CACNB1: variants seen among roughly 807,000 people sequenced by gnomAD.
The protein encoded by CACNB1 is calcium voltage-gated channel auxiliary subunit beta 1.
In CACNB1, 29 loss-of-function variants were observed where a neutral mutation model predicts 71.6. That is an observed-to-expected ratio of 0.40 (90% CI 0.30 to 0.55). The LOEUF (loss-of-function observed/expected upper bound fraction) is 0.55. Ranked by LOEUF, CACNB1 falls within the 20% of genes least tolerant of loss-of-function variation. The probability of loss-of-function intolerance (pLI) is 0.38; values close to 1 mark genes in which losing one functional copy is unlikely to be tolerated. For synonymous variants in CACNB1, 300 were observed against 319.6 expected (o/e 0.94, Z 0.65); for missense variants, 623 against 801.8 (o/e 0.78, Z 2.69).
At chr17:39,178,317 A>G in intron 11 of CACNB1, 2 of 380,934 alleles carry the variant, frequency 5.3e-6, no homozygotes, top group Non-Finnish European at 9.5e-6. Context: ...GGCTATATGA[A>G]GGGCAGTGAT....
At position 39,197,578 on chromosome 17, in the gene CACNB1, A is replaced by G; in HGVS notation, c.-83T>C. On this transcript the variant is annotated 5_prime_UTR_variant, in exon 1 of 14. Coordinates refer to ENST00000394303, the MANE Select transcript of CACNB1 (RefSeq NM_000723.5). The stretch of plus-strand genomic sequence containing the variant: ...GGGAGAGGCCGTGGGAGCCGAAAGC[A>G]GCGCGGCGCAGCCAGCACCCGGTCC... 1 of 1,065,466 alleles carries G rather than the reference A, an allele frequency of 9.4e-7. No individual in the cohort carries two copies. The highest frequency in any genetic ancestry group is 1.6e-5 in the South Asian group (1 of 62,144). The allele number at this position is 1,065,466 out of a possible 1,614,324, so 66.0% of individuals were successfully genotyped here.
Position 39,183,840 on chromosome 17 carries a change from C to T in CACNB1, c.923G>A (p.Arg308Gln), listed in dbSNP as rs374197578. The change falls in exon 11 of 14, where the codon CGA becomes CAA. Residue 308 changes from arginine to glutamine, a missense_variant. Arg to Gln is a conservative substitution (Grantham distance 43). Coordinates refer to ENST00000394303, the MANE Select transcript of CACNB1 (RefSeq NM_000723.5). ...AAGGGTCCGGGCCAGCTCGAAGATTCGCTCGATTTCACTCTGCACCTCAGC... is the reference window on the plus strand; with the variant it reads ...AAGGGTCCGGGCCAGCTCGAAGATTTGCTCGATTTCACTCTGCACCTCAGC... Reference protein sequence around the residue: ...SLAEVQSEIERIFELARTLQL... With the variant: ...SLAEVQSEIEQIFELARTLQL... 10 of 1,613,754 alleles carry T rather than the reference C, an allele frequency of 6.2e-6. No individual in the cohort carries two copies. Among genetic ancestry groups the T allele is most frequent in the Non-Finnish European group, 7.6e-6 (9 of 1,179,764 alleles).
rs759403493 is a variant in CACNB1 at position 39,186,901 on chromosome 17, C to T, written c.443G>A (p.Arg148Gln). The change falls in exon 5 of 14, where the codon CGG (arginine) becomes CAG (glutamine). Residue 148 changes from arginine to glutamine, a missense_variant. Coordinates refer to ENST00000394303, the MANE Select transcript of CACNB1 (RefSeq NM_000723.5). The surrounding 1 kb of genome is among the most constrained non-coding windows in gnomAD (Gnocchi z 4.1). The part of the protein sequence containing the change: ...EKYNNDWWIG[R>Q]LVKEGCEVGF... ...AACCTCACAGCCCTCCTTCACCAGC[C>T]GCCCGATCCACCAGTCATTATTGTA... 21 of 1,613,998 alleles carry T rather than the reference C, an allele frequency of 1.3e-5. No individual in the cohort carries two copies. Among genetic ancestry groups the T allele is most frequent in the East Asian group, 2.2e-5 (1 of 44,900 alleles).
intron 7 of CACNB1, 81 bp downstream of exon 7, chr17:39,185,050 G>T: frequency 1.6e-6 from 2 of 1,284,422 alleles, no homozygotes; most frequent in Non-Finnish European, 2.3e-6. Flanking sequence ...ATGGGGGACA[G>T]ATGTGGGAAT....
At position 39,186,193 on chromosome 17, in the gene CACNB1, G is replaced by T; in HGVS notation, c.628+303C>A. The T allele has an allele frequency of 9.6e-7, 1 of 1,040,094 alleles. No homozygotes were observed. 64.4% of individuals were successfully genotyped at this position (1,040,094 alleles called of 1,614,324 possible). ...CGTGGAGACACAAGTACAGAACGCA[G>T]GGATGGGGATGGGGAAAAAAGAAAG... On this transcript the variant is annotated intron_variant, in intron 6 of 13. Transcript: ENST00000394303. The surrounding 1 kb of genome is among the most constrained non-coding windows in gnomAD (Gnocchi z 4.1).
chr17:39,192,614 A>G (rs932366361), intron 2 of CACNB1: 13 of 152,660 alleles, frequency 8.5e-5, no homozygotes, highest in African/African-American at 2.7e-4. Context: ...TTGTGTGACT[A>G]TGCAGGGGTG....
rs1342584463 is a variant in CACNB1 at position 39,186,386 on chromosome 17, G to C, written c.628+110C>G. ...GGGGAACCACTGCATGTGCTTGGGG[G>C]ACTCAGGATTGGGGTGTTTCCTACT... On this transcript the variant is annotated intron_variant, in intron 6 of 13. Transcript: ENST00000394303. The surrounding 1 kb of genome is among the most constrained non-coding windows in gnomAD (Gnocchi z 4.1). 2 of 768,114 alleles carry C rather than the reference G, an allele frequency of 2.6e-6. No individual in the cohort carries two copies. The highest frequency in any genetic ancestry group is 5.3e-5 in the East Asian group (2 of 37,406). The allele number at this position is 768,114 out of a possible 1,614,324, so 47.6% of individuals were successfully genotyped here. A position where few individuals can be genotyped will look rare whatever the true frequency, so the allele number is the denominator to read the frequency against.
rs2045930191 is a variant in CACNB1, at chr17:39,186,023, C to G, written c.628+473G>C. 6.2e-7 allele frequency: 1 copy of G among 1,613,618 alleles called. No individual in the cohort carries two copies. The highest frequency in any genetic ancestry group is 1.1e-5 in the South Asian group (1 of 91,062). On this transcript the variant is annotated intron_variant, in intron 6 of 13. Transcript: ENST00000394303. The surrounding 1 kb of genome is among the most constrained non-coding windows in gnomAD (Gnocchi z 4.1). ...ACTGCTAACACTAGTCTTGGCAGAG[C>G]CACTCTGCTCACCAAGCTCAGCCTC...
Position 39,174,642 on chromosome 17 carries a change from C to T in CACNB1, c.*551G>A, listed in dbSNP as rs562123106. 18 of 154,076 alleles carry T rather than the reference C, an allele frequency of 1.2e-4. No individual in the cohort carries two copies. Among genetic ancestry groups the T allele is most frequent in the Middle Eastern group, 3.4e-3 (1 of 296 alleles). 9.5% of individuals were successfully genotyped at this position (154,076 alleles called of 1,614,324 possible). ...CCAGAACCCTCCCCAAGACAAGCTC[C>T]CCATGGGGTGTCCATGCTATGGCTT... On this transcript the variant is annotated 3_prime_UTR_variant, in exon 14 of 14. Transcript: ENST00000394303.
intron 11 of CACNB1, among the ~76,000 whole-genome samples, chr17:39,180,904 T>C (rs548641070): frequency 2.0e-4 from 31 of 151,636 alleles, no homozygotes; most frequent in African/African-American, 6.3e-4. Context: ...CTGAACTTAA[T>C]GGTATGGGAA....
chr17:39,176,861 G>A (rs1285162974), intron 13 of CACNB1, among the ~76,000 whole-genome samples: 2 of 152,150 alleles, frequency 1.3e-5, no homozygotes, highest in Non-Finnish European at 2.9e-5. Context: ...CTCTTGAGGG[G>A]CCTTGTGGAG....
chr17:39,197,347 G>A, intron 1 of CACNB1, 65 bp downstream of exon 1: 2 of 1,125,114 alleles, frequency 1.8e-6, no homozygotes, highest in Non-Finnish European at 1.2e-6. Flanking sequence ...CGCGCCTCTC[G>A]AGCCGACCTT....
chr17:39,176,493 A>G (rs2045580904), intron 13 of CACNB1, among the ~76,000 whole-genome samples: 1 of 152,146 alleles, frequency 6.6e-6, no homozygotes, highest in South Asian at 2.1e-4. Flanking sequence ...TGGGAAGGGC[A>G]CAGAAGTGCT....
intron 11 of CACNB1, among the ~76,000 whole-genome samples, chr17:39,179,552 C>G (rs1028575434): frequency 6.1e-5 from 9 of 148,518 alleles, no homozygotes; most frequent in African/African-American, 2.2e-4. Context: ...GCACTCCAAC[C>G]TGAGCGACAG....
Position 39,194,873 on chromosome 17 carries a change from C to T in CACNB1, c.171+11G>A, listed in dbSNP as rs765174503. 4 of 1,595,078 alleles carry T rather than the reference C, an allele frequency of 2.5e-6. No individual in the cohort carries two copies. The African/African-American group carries it at 4.0e-5, about 16-fold the overall frequency. On this transcript the variant is annotated intron_variant, in intron 2 of 13. Coordinates refer to ENST00000394303, the MANE Select transcript of CACNB1 (RefSeq NM_000723.5). The surrounding 1 kb of genome is among the most constrained non-coding windows in gnomAD (Gnocchi z 4.6). The stretch of plus-strand genomic sequence containing the variant: ...GCCACCTCCCTCCTCTCCGCCCAGC[C>T]TCCCCATTACCTGGCGGACAAAGCT...
rs563898523 is a variant in CACNB1 at position 39,197,279 on chromosome 17, G to C, written c.84+133C>G. On this transcript the variant is annotated intron_variant, in intron 1 of 13. Transcript: ENST00000394303. ...CCCATCAATCACAACCTGCAAGGAT[G>C]GGGGGCGCGCAGGCATCCCTCTCTC... is the stretch of plus-strand genomic sequence containing the variant. The C allele has an allele frequency of 5.6e-4, 235 of 421,762 alleles. 2 individuals carry two copies. The East Asian group carries it at 0.011, about 20-fold the overall frequency. 26.1% of individuals were successfully genotyped at this position (421,762 alleles called of 1,614,324 possible). A position where few individuals can be genotyped will look rare whatever the true frequency, so the allele number is the denominator to read the frequency against.
chr17:39,186,681 C>T lies in CACNB1; in HGVS notation c.552-109G>A. The T allele has an allele frequency of 1.3e-6, 2 of 1,530,824 alleles. No homozygotes were observed. The highest frequency in any genetic ancestry group is 1.8e-6 in the Non-Finnish European group (2 of 1,113,474). The allele number at this position is 1,530,824 out of a possible 1,614,324, so 94.8% of individuals were successfully genotyped here. A position where few individuals can be genotyped will look rare whatever the true frequency, so the allele number is the denominator to read the frequency against. The stretch of plus-strand genomic sequence containing the variant: ...AGGTGCTCCAGCCCCACTGGTGATG[C>T]CACAGGCAGCTCTGTGCCCTCAGGG... On this transcript the variant is annotated intron_variant, in intron 5 of 13. Transcript: ENST00000394303. The surrounding 1 kb of genome is among the most constrained non-coding windows in gnomAD (Gnocchi z 4.1).
At position 39,175,377 on chromosome 17, in the gene CACNB1, C is replaced by A; in HGVS notation, c.1613G>T (p.Gly538Val). 2.5e-6 allele frequency: 4 copies of A among 1,614,176 alleles called. No individual in the cohort carries two copies. Among genetic ancestry groups the A allele is most frequent in the Non-Finnish European group, 3.4e-6 (4 of 1,180,034 alleles). Residue 538 changes from glycine (G) to valine (V), a missense_variant, in exon 14 of 14, where the codon GGC (glycine) becomes GTC (valine). Physicochemically the swap from Gly to Val is moderately radical, Grantham distance 109 (BLOSUM62 -3). Coordinates refer to ENST00000394303, the MANE Select transcript of CACNB1 (RefSeq NM_000723.5). This position sits in a 1 kb window ranked among gnomAD's most constrained non-coding sequence, Gnocchi z 4.7. ...EGPGLGDPAG[G>V]GTPPARQGSW... The stretch of plus-strand genomic sequence containing the variant: ...TCCCTGTCGGGCTGGGGGCGTGCCG[C>A]CCCCTGCAGGGTCTCCAAGCCCTGG...
chr17:39,177,384 A>G lies in CACNB1; in HGVS notation c.1298T>C (p.Leu433Pro). Residue 433 changes from leucine to proline, a missense_variant, in exon 13 of 14, where the codon CTG becomes CCG. Physicochemically the swap from Leu to Pro is moderately conservative, Grantham distance 98. Coordinates refer to ENST00000394303, the MANE Select transcript of CACNB1 (RefSeq NM_000723.5). ...LLNRTMATAA[L>P]AASPAPVSNL... is the part of the protein sequence containing the mutation. The stretch of plus-strand genomic sequence containing the variant: ...GGAGACAGGGGCAGGGCTGGCAGCC[A>G]GGGCTGCGGTAGCCATGGTGCGGTT... 6.2e-7 allele frequency: 1 copy of G among 1,613,094 alleles called. No homozygotes were observed. Among genetic ancestry groups the G allele is most frequent in the Non-Finnish European group, 8.5e-7 (1 of 1,179,770 alleles).
Sources: gnomAD v4.1 joint callset for allele counts (sites outside exome capture counted in the v4.1 genomes callset) on GRCh38, gnomAD v4.1.1 for gene constraint, Gnocchi (gnomAD v3.1) non-coding constraint, MANE v1.5 for transcripts, NCBI Gene and HGNC (gene_info 2026-07-23, HGNC 2026-07-21) for gene names.